Variants in ARHGAP12 observed in about 807,000 individuals in gnomAD.
The protein encoded by ARHGAP12 is rho GTPase-activating protein 12.
ARHGAP12 carries 64 observed loss-of-function variants against 108.6 expected under a neutral mutation model. That is an observed-to-expected ratio of 0.59 (90% CI 0.48 to 0.73). The LOEUF (loss-of-function observed/expected upper bound fraction) is 0.73. Ranked by LOEUF, ARHGAP12 falls within the 30% of genes least tolerant of loss-of-function variation. The pLI is 0.00. For synonymous variants in ARHGAP12, 312 were observed against 337.2 expected, an observed-to-expected ratio of 0.93 and a Z score of 0.82; for missense variants, 940 against 1,005.9, an observed-to-expected ratio of 0.93 and a Z score of 0.89.
chr10:31,865,943 T>C (rs1449758220), intron 3 of ARHGAP12, among the ~76,000 whole-genome samples: 3 of 151,246 alleles, frequency 2.0e-5, no homozygotes, highest in Non-Finnish European at 2.9e-5. Flanking sequence ...GTCAATAACA[T>C]ATGAAAGCAT....
chr10:31,927,906 C>A (rs1840116490), intron 1 of ARHGAP12, among the ~76,000 whole-genome samples: 1 of 152,156 alleles, frequency 6.6e-6, no homozygotes, highest in Non-Finnish European at 1.5e-5. Context: ...GCGGGCTGCA[C>A]GCTGGTAAAG....
chr10:31,851,835 G>C (rs1836692736), intron 6 of ARHGAP12, among the ~76,000 whole-genome samples: 1 of 152,150 alleles, frequency 6.6e-6, no homozygotes, highest in Admixed American at 6.5e-5. Context: ...TAAAGTATAT[G>C]TAACAACTGA....
intron 3 of ARHGAP12, among the ~76,000 whole-genome samples, chr10:31,893,943 A>G (rs996227633): frequency 2.6e-5 from 4 of 152,260 alleles, no homozygotes; most frequent in Admixed American, 6.5e-5. Flanking sequence ...TTGGTTCAAC[A>G]TACACAAATC....
In ARHGAP12 at chr10:31,812,739, A is replaced by C; in HGVS notation, c.1919T>G (p.Leu640Trp). ...LKKFLTRRPT[L>W]QAVREKGYIK... ...ATAACCTTTTTCACGAACAGCTTGC[A>C]AAGTGGGGCGTCGTGTAAGAAACTT... Residue 640 changes from leucine (L) to tryptophan (W), a missense_variant, in exon 15 of 20, where the codon TTG becomes TGG. Coordinates refer to ENST00000344936, the MANE Select transcript of ARHGAP12 (RefSeq NM_018287.7). 1.2e-6 allele frequency: 2 copies of C among 1,608,598 alleles called. No individual in the cohort carries two copies. The highest frequency in any genetic ancestry group is 1.7e-6 in the Non-Finnish European group (2 of 1,178,488).
chr10:31,904,060 TA>T (rs1839028241), intron 3 of ARHGAP12, among the ~76,000 whole-genome samples: 1 of 152,210 alleles, frequency 6.6e-6, no homozygotes, highest in Non-Finnish European at 1.5e-5. Context: ...GACTATTTTC[TA>T]AAAACTAACC....
chr10:31,926,155 C>G (rs547326330), intron 1 of ARHGAP12, among the ~76,000 whole-genome samples: 1 of 152,068 alleles, frequency 6.6e-6, no homozygotes, highest in Admixed American at 6.6e-5. Context: ...ACTAGATTAT[C>G]AACAGGGGAA....
chr10:31,920,463 A>AAAG (rs1839752655), intron 1 of ARHGAP12, among the ~76,000 whole-genome samples: 2 of 151,048 alleles, frequency 1.3e-5, no homozygotes, highest in South Asian at 2.1e-4. Flanking sequence ...AAAAAAAAAA[A>AAAG]AAAAAAAAGA....
intron 1 of ARHGAP12, among the ~76,000 whole-genome samples, chr10:31,925,654 A>C (rs1406647336): frequency 1.3e-5 from 2 of 152,204 alleles, no homozygotes; most frequent in Non-Finnish European, 2.9e-5. Flanking sequence ...AGATATTCTA[A>C]CAACAACCGG....
rs752407284 is a variant in ARHGAP12 at position 31,807,790 on chromosome 10, A to G, written c.2409T>C (p.Ser803=). The stretch of plus-strand genomic sequence containing the variant: ...GAGTGGGACCAAAAACAATTGCTAT[A>G]CTCTGATAGGTCATTCGATTTTTCT... ...NGEKNRMTYQ[S]IAIVFGPTLL... The change falls in exon 20 of 20, where the codon AGT becomes AGC. Residue 803 remains serine, a synonymous_variant. Transcript: ENST00000344936. 1 of 1,591,204 alleles carries G rather than the reference A, an allele frequency of 6.3e-7. No individual in the cohort carries two copies. Among genetic ancestry groups the G allele is most frequent in the South Asian group, 1.2e-5 (1 of 86,472 alleles).
chr10:31,864,016 TA>T (rs1161806455), intron 3 of ARHGAP12, among the ~76,000 whole-genome samples: 1 of 152,140 alleles, frequency 6.6e-6, no homozygotes, highest in Non-Finnish European at 1.5e-5. Context: ...AGGGAAGAAT[TA>T]AATAGAAGAA....
intron 3 of ARHGAP12, among the ~76,000 whole-genome samples, chr10:31,870,177 G>C (rs1305608056): frequency 6.7e-6 from 1 of 150,040 alleles, no homozygotes; most frequent in Non-Finnish European, 1.5e-5. Flanking sequence ...AGACATTTAT[G>C]TATTTTTGTA....
intron 3 of ARHGAP12, among the ~76,000 whole-genome samples, chr10:31,904,972 A>G (rs551029538): frequency 6.6e-6 from 1 of 152,248 alleles, no homozygotes; most frequent in East Asian, 1.9e-4. Flanking sequence ...CAATTCTCTC[A>G]AAATGAAAAG....
intron 3 of ARHGAP12, among the ~76,000 whole-genome samples, chr10:31,896,039 T>C (rs1201207861): frequency 1.3e-5 from 2 of 149,868 alleles, no homozygotes; most frequent in East Asian, 3.9e-4. Flanking sequence ...AAATGAACAA[T>C]GAGAACACTT....
At chr10:31,920,278 TCA>T (rs1839739565) in intron 1 of ARHGAP12, among the ~76,000 whole-genome samples, 1 of 151,020 alleles carries the variant, frequency 6.6e-6, no homozygotes, top group African/African-American at 2.4e-5. Flanking sequence ...TGGTGAAACC[TCA>T]CTCTACTAAA....
intron 3 of ARHGAP12, among the ~76,000 whole-genome samples, chr10:31,877,973 A>C (rs946780503): frequency 6.6e-6 from 1 of 152,070 alleles, no homozygotes; most frequent in Non-Finnish European, 1.5e-5. Flanking sequence ...ATTTCCAACT[A>C]CTTGGGAGGC....
At chr10:31,874,997 AAAAAAT>A (rs1217515075) in intron 3 of ARHGAP12, among the ~76,000 whole-genome samples, 116 of 150,784 alleles carry the variant, frequency 7.7e-4, no homozygotes, top group African/African-American at 2.5e-3. Context: ...AAAAAAAAAA[AAAAAAT>A]TTTCACACAC....
At chr10:31,879,647 T>C (rs1381370226) in intron 3 of ARHGAP12, among the ~76,000 whole-genome samples, 1 of 152,196 alleles carries the variant, frequency 6.6e-6, no homozygotes, top group Non-Finnish European at 1.5e-5. Context: ...CTCATCCTAC[T>C]AATTACCTGC....
chr10:31,809,433 C>A, intron 16 of ARHGAP12, 126 bp from the exon 17 acceptor site: 4 of 830,080 alleles, frequency 4.8e-6, no homozygotes, highest in Non-Finnish European at 7.9e-6. Context: ...GGCAAATATT[C>A]TTTTTCTCTA....
chr10:31,914,007 G>A (rs1839459571), intron 1 of ARHGAP12, among the ~76,000 whole-genome samples: 1 of 152,118 alleles, frequency 6.6e-6, no homozygotes, highest in Non-Finnish European at 1.5e-5. Flanking sequence ...GTTACTTATG[G>A]AGATGGTAGT....
Sources: gnomAD v4.1 joint callset for allele counts (sites outside exome capture counted in the v4.1 genomes callset) on GRCh38, gnomAD v4.1.1 for gene constraint, MANE v1.5 for transcripts, NCBI Gene and HGNC (gene_info 2026-07-23, HGNC 2026-07-21) for gene names.